Variants in KCTD16 observed in about 807,000 individuals in gnomAD.
KCTD16 encodes the protein BTB/POZ domain-containing protein KCTD16.
In KCTD16, 13 loss-of-function variants were observed where a neutral mutation model predicts 33.2. That is an observed-to-expected ratio of 0.39 (90% CI 0.25 to 0.62). KCTD16 has a LOEUF of 0.62. KCTD16 is among the 20% of genes least tolerant of loss of function. The pLI, the probability that KCTD16 is intolerant of heterozygous loss-of-function variation, is 0.50. For synonymous variants in KCTD16, 197 were observed against 195.3 expected (o/e 1.01, Z -0.07); for missense variants, 441 against 525.1 (o/e 0.84, Z 1.57).
chr5:144,194,560 C>T (rs1008995940), intron 2 of KCTD16, among the ~76,000 whole-genome samples: 3 of 152,154 alleles, frequency 2.0e-5, no homozygotes, highest in South Asian at 2.1e-4. Flanking sequence ...TAAAAAGACA[C>T]GAAGCAATGT....
intron 3 of KCTD16, among the ~76,000 whole-genome samples, chr5:144,221,638 G>A (rs372387191): frequency 6.6e-6 from 1 of 152,260 alleles, no homozygotes; most frequent in East Asian, 1.9e-4. Context: ...TGGTGTATAT[G>A]TGCCACATTT....
intron 3 of KCTD16, among the ~76,000 whole-genome samples, chr5:144,218,936 C>T (rs909627359): frequency 2.6e-5 from 4 of 152,198 alleles, no homozygotes; most frequent in African/African-American, 7.2e-5. Context: ...CTTTTAATCA[C>T]GAATATACCC....
chr5:144,290,287 G>A (rs1212736851), intron 3 of KCTD16, among the ~76,000 whole-genome samples: 2 of 152,054 alleles, frequency 1.3e-5, no homozygotes, highest in African/African-American at 4.8e-5. Flanking sequence ...AAGAGAGCAA[G>A]ACCCTATCTC....
At chr5:144,171,850 T>C (rs1752391841) in intron 1 of KCTD16, among the ~76,000 whole-genome samples, 1 of 152,234 alleles carries the variant, frequency 6.6e-6, no homozygotes, top group Non-Finnish European at 1.5e-5. Context: ...TAAATTGTTT[T>C]CTTTTGAAAA....
At chr5:144,473,570 T>C (rs1754526245) in intron 3 of KCTD16, 90 bp from the exon 4 acceptor site, 5 of 1,198,314 alleles carry the variant, frequency 4.2e-6, no homozygotes, top group Non-Finnish European at 5.9e-6. Context: ...GCTTCTCTTA[T>C]GTGTGTTTCT....
intron 3 of KCTD16, among the ~76,000 whole-genome samples, chr5:144,319,959 T>C (rs918769822): frequency 4.6e-5 from 7 of 152,182 alleles, no homozygotes; most frequent in African/African-American, 1.2e-4. Context: ...ATTTCACTTA[T>C]ATTAGCAAAG....
rs74981672 is a variant in KCTD16 at position 144,455,845 on chromosome 5, C to T, written c.833-17815C>T. ...GTCTGAGTATAGCAGGCATATTTAT[C>T]CTAGTGCCCTGGGATCATTCCTGAT... On this transcript the variant is annotated intron_variant, in intron 3 of 3. Transcript: ENST00000512467. Among the ~76,000 whole-genome samples, 762 of 152,286 alleles carry T rather than the reference C, an allele frequency of 5.0e-3. 8 individuals are homozygous for T. The highest frequency in any genetic ancestry group is 0.018 in the African/African-American group (728 of 41,576).
intron 3 of KCTD16, among the ~76,000 whole-genome samples, chr5:144,382,758 C>G (rs1260960624): frequency 6.6e-6 from 1 of 152,140 alleles, no homozygotes; most frequent in Non-Finnish European, 1.5e-5. Flanking sequence ...GGATCCACTG[C>G]GAGGTTCTGG....
intron 3 of KCTD16, among the ~76,000 whole-genome samples, chr5:144,357,985 G>T (rs1334337065): frequency 2.0e-5 from 3 of 151,876 alleles, no homozygotes; most frequent in East Asian, 1.9e-4. Context: ...GCACAGTGGT[G>T]CAATCATAGT....
intron 3 of KCTD16, among the ~76,000 whole-genome samples, chr5:144,448,906 G>A (rs1198559722): frequency 6.6e-6 from 1 of 151,920 alleles, no homozygotes; most frequent in African/African-American, 2.4e-5. Context: ...GTACAATCAA[G>A]GAACCACCTT....
chr5:144,348,866 A>C (rs894225174), intron 3 of KCTD16, among the ~76,000 whole-genome samples: 1 of 152,182 alleles, frequency 6.6e-6, no homozygotes, highest in Non-Finnish European at 1.5e-5. Flanking sequence ...AGCAATCTTG[A>C]CTAATACCTA....
intron 3 of KCTD16, among the ~76,000 whole-genome samples, chr5:144,406,113 C>T (rs943886468): frequency 2.6e-5 from 4 of 152,182 alleles, no homozygotes; most frequent in African/African-American, 9.7e-5. Flanking sequence ...CTAGCCCCTG[C>T]GCCTGACTAC....
In KCTD16 at chr5:144,477,373, T is replaced by A. The variant is rs1754617477; in HGVS notation, c.*3259T>A. On this transcript the variant is annotated 3_prime_UTR_variant, in exon 4 of 4. Coordinates refer to ENST00000512467, the MANE Select transcript of KCTD16 (RefSeq NM_020768.4). ...TGAATTAAAATAAAAGGGGGAACAA[T>A]GCACAAATAATAAGCGTTCCCTTTG... 6.6e-6 allele frequency: 1 copy of A among 152,148 alleles called. No homozygotes were observed. Among genetic ancestry groups the A allele is most frequent in the Non-Finnish European group, 1.5e-5 (1 of 68,018 alleles). The allele number at this position is 152,148 out of a possible 1,614,324, so 9.4% of individuals were successfully genotyped here. A position where few individuals can be genotyped will look rare whatever the true frequency, so the allele number is the denominator to read the frequency against.
intron 3 of KCTD16, among the ~76,000 whole-genome samples, chr5:144,222,857 G>A (rs951562029): frequency 1.3e-5 from 2 of 152,144 alleles, no homozygotes; most frequent in Admixed American, 1.3e-4. Flanking sequence ...GTTTACTGCG[G>A]CGCTGTTCAC....
chr5:144,287,467 C>A (rs1004033854), intron 3 of KCTD16, among the ~76,000 whole-genome samples: 3 of 152,098 alleles, frequency 2.0e-5, no homozygotes, highest in Admixed American at 6.5e-5. Flanking sequence ...TATAGACAGG[C>A]AAACTAACAA....
Position 144,452,146 on chromosome 5 carries a change from T to TTATATATATATATATATATA in KCTD16, c.833-21495_833-21494insATATATATATATATATATAT, listed in dbSNP as rs140891816. 5.4e-4 allele frequency among the ~76,000 whole-genome samples: 74 copies of TTATATATATATATATATATA among 138,160 alleles called. 2 individuals are homozygous for TTATATATATATATATATATA. The highest frequency in any genetic ancestry group is 2.1e-3 in the African/African-American group (70 of 33,818). The allele number at this position is 138,160 out of a possible 152,430, so 90.6% of individuals were successfully genotyped here. On this transcript the variant is annotated intron_variant, in intron 3 of 3. Transcript: ENST00000512467. Reference sequence around the variant, plus strand: ...CAAAACACATTAAATATATATAATATTATATATATATATATATATTCCTGT... The same window carrying TTATATATATATATATATATA: ...CAAAACACATTAAATATATATAATATTATATATATATATATATATATATATATATATATATATATTCCTGT...
chr5:144,448,765 C>T (rs1047715373), intron 3 of KCTD16, among the ~76,000 whole-genome samples: 1 of 152,028 alleles, frequency 6.6e-6, no homozygotes, highest in African/African-American at 2.4e-5. Context: ...TTAATCAAAT[C>T]TCTTTTTCCT....
intron 3 of KCTD16, among the ~76,000 whole-genome samples, chr5:144,292,129 T>C (rs898718265): frequency 3.9e-5 from 6 of 152,266 alleles, no homozygotes; most frequent in African/African-American, 1.4e-4. Flanking sequence ...ACCAGATTGC[T>C]GAAGGGATAT....
intron 3 of KCTD16, among the ~76,000 whole-genome samples, chr5:144,225,552 TTGTGTGTGTGTGTGTGTGTGTGTGTG>T (rs10550980): frequency 7.2e-6 from 1 of 138,226 alleles, no homozygotes; most frequent in East Asian, 2.1e-4. Flanking sequence ...CAAAAATAAA[TTGTGTGTGTGTGTGTGTGTGTGTGTG>T]TGTGTGTGTG....
Sources: gnomAD v4.1 joint callset for allele counts (sites outside exome capture counted in the v4.1 genomes callset) on GRCh38, gnomAD v4.1.1 for gene constraint, MANE v1.5 for transcripts, NCBI Gene and HGNC (gene_info 2026-07-23, HGNC 2026-07-21) for gene names.